Variants in BRD3 observed in about 807,000 individuals in gnomAD.
The protein encoded by BRD3 is bromodomain containing 3.
A neutral mutation model predicts 66.8 loss-of-function variants in BRD3; 17 were observed. The ratio of observed to expected loss-of-function variants is 0.25; its 90% confidence interval spans 0.17 to 0.38. The LOEUF is 0.38. Ranked by LOEUF, BRD3 falls within the 10% of genes least tolerant of loss-of-function variation. The pLI is 1.00. For synonymous variants in BRD3, 421 were observed against 393.2 expected (o/e 1.07, Z -0.84); for missense variants, 713 against 956.1 (o/e 0.75, Z 3.35).
chr9:134,042,971 C>T (rs188579096), intron 7 of BRD3, among the ~76,000 whole-genome samples: 54 of 152,262 alleles, frequency 3.5e-4, no homozygotes, highest in Admixed American at 6.5e-4. Flanking sequence ...TCCTGAGTAG[C>T]TGGGATCACA....
At chr9:134,034,508 G>T in intron 11 of BRD3, 193 bp downstream of exon 11, 1 of 742,840 alleles carries the variant, frequency 1.3e-6, no homozygotes, top group Non-Finnish European at 2.1e-6. Flanking sequence ...ACACCTCCCT[G>T]CAGGGTTGGG....
At chr9:134,060,267 G>A (rs928654525) in intron 1 of BRD3, among the ~76,000 whole-genome samples, 5 of 152,156 alleles carry the variant, frequency 3.3e-5, no homozygotes, top group Non-Finnish European at 7.3e-5. Flanking sequence ...AACGCCAAGC[G>A]AAAACCCAGC....
intron 1 of BRD3, among the ~76,000 whole-genome samples, chr9:134,063,143 T>C (rs1479788413): frequency 6.6e-6 from 1 of 152,176 alleles, no homozygotes; most frequent in East Asian, 1.9e-4. Context: ...GACCATCCCC[T>C]TGGTTATTTC....
rs138361550 is a variant in BRD3, at chr9:134,053,382, G to T, written c.96C>A (p.Pro32=). ...ACTGCAGCTGGTTGGTCTTGCGGCC[G>T]GGCTTGCTGGGGTTGGAGACCTCCG... ...PPPEVSNPSK[P]GRKTNQLQYM... Residue 32 remains proline (P), a synonymous_variant, in exon 2 of 12, where the codon CCC becomes CCA. Coordinates refer to ENST00000303407, the MANE Select transcript of BRD3 (RefSeq NM_007371.4). 2.5e-6 allele frequency: 4 copies of T among 1,613,362 alleles called. No individual in the cohort carries two copies. The highest frequency in any genetic ancestry group is 3.4e-6 in the Non-Finnish European group (4 of 1,179,994).
In BRD3 at chr9:134,031,722, T is replaced by G. The variant is rs1310917156; in HGVS notation, c.*1868A>C. 1 of 211,446 alleles carries G rather than the reference T, an allele frequency of 4.7e-6. No homozygotes were observed. Among genetic ancestry groups the G allele is most frequent in the Non-Finnish European group, 9.6e-6 (1 of 104,188 alleles). 13.1% of individuals were successfully genotyped at this position (211,446 alleles called of 1,614,324 possible). A position where few individuals can be genotyped will look rare whatever the true frequency, so the allele number is the denominator to read the frequency against. On this transcript the variant is annotated 3_prime_UTR_variant, in exon 12 of 12. Transcript: ENST00000303407. ...GTCAGTGGACTCTGAATCAATTTTA[T>G]GGTTGTTTTAAAATCACCGTGTATT...
rs1198516138 is a variant in BRD3 at position 134,031,827 on chromosome 9, A to G, written c.*1763T>C. ...GCCACCATACAGGACAGACCACACCACAGCTCCATACCCAGCGTCTGCCTG... is the reference window on the plus strand; with the variant it reads ...GCCACCATACAGGACAGACCACACCGCAGCTCCATACCCAGCGTCTGCCTG... On this transcript the variant is annotated 3_prime_UTR_variant, in exon 12 of 12. Transcript: ENST00000303407. 4.5e-6 allele frequency: 1 copy of G among 220,952 alleles called. No homozygotes were observed. The highest frequency in any genetic ancestry group is 2.2e-5 in the African/African-American group (1 of 44,502). 13.7% of individuals were successfully genotyped at this position (220,952 alleles called of 1,614,324 possible).
In BRD3 at chr9:134,031,076, C is replaced by A. The variant is rs1843504672; in HGVS notation, c.*2514G>T. ...TCTGAAAAGAAACCAGTGTTGAAGT[C>A]TGGACAGAAAGCCTTAAAAAAGTGA... On this transcript the variant is annotated 3_prime_UTR_variant, in exon 12 of 12. Coordinates refer to ENST00000303407, the MANE Select transcript of BRD3 (RefSeq NM_007371.4). The A allele has an allele frequency of 4.3e-6, 1 of 230,210 alleles. No homozygotes were observed. The allele number at this position is 230,210 out of a possible 1,614,324, so 14.3% of individuals were successfully genotyped here.
At chr9:134,036,681 C>A in intron 9 of BRD3, 2 of 1,067,026 alleles carry the variant, frequency 1.9e-6, no homozygotes, top group South Asian at 2.7e-5. Context: ...AATGAGAGAC[C>A]GAAATCCAAT....
chr9:134,053,150 G>T, intron 2 of BRD3, 115 bp downstream of exon 2: 1 of 1,201,524 alleles, frequency 8.3e-7, no homozygotes, highest in Non-Finnish European at 1.2e-6. Context: ...GCTGTCCCCA[G>T]CTTAGCAGCA....
chr9:134,068,174 G>GC (rs1421144186), upstream of BRD3, among the ~76,000 whole-genome samples: 5 of 141,942 alleles, frequency 3.5e-5, no homozygotes, highest in African/African-American at 1.3e-4. Context: ...GCCGCGCCCC[G>GC]CCCCGGGGGC....
chr9:134,051,551 G>C lies in BRD3; in HGVS notation c.499+11C>G, dbSNP rs200476292. The C allele has an allele frequency of 1.8e-5, 28 of 1,530,378 alleles. No individual in the cohort carries two copies. Among genetic ancestry groups the C allele is most frequent in the Non-Finnish European group, 2.2e-5 (25 of 1,151,784 alleles). The allele number at this position is 1,530,378 out of a possible 1,614,324, so 94.8% of individuals were successfully genotyped here. ...GAGGCCCAGCCCCTCGCCTGCCCCA[G>C]CTCCCTTTACCTGCGCTCTGGGCTC... On this transcript the variant is annotated intron_variant, in intron 4 of 11. Coordinates refer to ENST00000303407, the MANE Select transcript of BRD3 (RefSeq NM_007371.4).
At chr9:134,059,249 T>G (rs946997364) in intron 1 of BRD3, among the ~76,000 whole-genome samples, 2 of 152,202 alleles carry the variant, frequency 1.3e-5, no homozygotes, top group African/African-American at 4.8e-5. Flanking sequence ...TGCACCTCCC[T>G]TCTCCCCGGG....
At chr9:134,046,061 C>T (rs957229527) in intron 6 of BRD3, among the ~76,000 whole-genome samples, 3 of 152,186 alleles carry the variant, frequency 2.0e-5, no homozygotes, top group Non-Finnish European at 2.9e-5. Flanking sequence ...CTCGGCCACA[C>T]AGAGACCCTA....
At chr9:134,048,042 C>G in intron 6 of BRD3, 41 bp downstream of exon 6, 1 of 1,509,036 alleles carries the variant, frequency 6.6e-7, no homozygotes, top group Non-Finnish European at 8.8e-7. Flanking sequence ...GGCAGAGCCG[C>G]AGGACATGGG....
chr9:134,034,665 C>A (rs770909070), intron 11 of BRD3, 36 bp downstream of exon 11: 5 of 1,599,560 alleles, frequency 3.1e-6, no homozygotes, highest in African/African-American at 2.7e-5. Flanking sequence ...CCCCCACCCC[C>A]CTAAAGAGGG....
chr9:134,034,666 C>T (rs200692106), intron 11 of BRD3, 35 bp downstream of exon 11: 226 of 1,599,648 alleles, frequency 1.4e-4, no homozygotes, highest in Non-Finnish European at 1.8e-4. Flanking sequence ...CCCCACCCCC[C>T]TAAAGAGGGG....
rs57529360 is a variant in BRD3, at chr9:134,032,868, C to CTT, written c.*720_*721dup. On this transcript the variant is annotated 3_prime_UTR_variant, in exon 12 of 12. Coordinates refer to ENST00000303407, the MANE Select transcript of BRD3 (RefSeq NM_007371.4). ...TTTTTTTTTTTTTAAATCTTTTCTT[C>CTT]TTTTTTTTTTTTTAAAGTTGAGGTA... 8.8e-5 allele frequency: 20 copies of CTT among 227,610 alleles called. No individual in the cohort carries two copies. Among genetic ancestry groups the CTT allele is most frequent in the East Asian group, 1.3e-4 (2 of 15,844 alleles). The allele number at this position is 227,610 out of a possible 1,614,324, so 14.1% of individuals were successfully genotyped here.
intron 7 of BRD3, among the ~76,000 whole-genome samples, chr9:134,042,945 T>C (rs1420903255): frequency 6.6e-6 from 1 of 152,040 alleles, no homozygotes; most frequent in Non-Finnish European, 1.5e-5. Flanking sequence ...TTTCAAGTGA[T>C]TCTCCTGCCT....
chr9:134,051,880 GTTTTT>G lies in BRD3; in HGVS notation c.352-176_352-172del, dbSNP rs777755860. ...GTGTGTGTGTGTGTGTGTGTGTGTTGTTTTTTTTGTTTTTTTTTTTTTTTTTTTGA... is the reference window on the plus strand; with the variant it reads ...GTGTGTGTGTGTGTGTGTGTGTGTTGTTTGTTTTTTTTTTTTTTTTTTTGA... On this transcript the variant is annotated intron_variant, in intron 3 of 11. Coordinates refer to ENST00000303407, the MANE Select transcript of BRD3 (RefSeq NM_007371.4). 2.5e-3 allele frequency among the ~76,000 whole-genome samples: 279 copies of G among 113,618 alleles called. 6 individuals carry two copies. The highest frequency in any genetic ancestry group is 9.6e-3 in the African/African-American group (266 of 27,598). 74.5% of individuals were successfully genotyped at this position (113,618 alleles called of 152,430 possible).
Sources: gnomAD v4.1 joint callset for allele counts (sites outside exome capture counted in the v4.1 genomes callset) on GRCh38, gnomAD v4.1.1 for gene constraint, MANE v1.5 for transcripts, NCBI Gene and HGNC (gene_info 2026-07-23, HGNC 2026-07-21) for gene names.